FGF13: variants seen among roughly 807,000 people sequenced by gnomAD.
FGF13 encodes the protein fibroblast growth factor homologous factor 2.
In FGF13, 2 loss-of-function variants were observed where a neutral mutation model predicts 19.5. That is an observed-to-expected ratio of 0.10 (90% confidence interval 0.04 to 0.32). The LOEUF is 0.32. Ranked by LOEUF, FGF13 falls within the 10% of genes least tolerant of loss-of-function variation. The pLI, the probability that FGF13 is intolerant of heterozygous loss-of-function variation, is 1.00. For missense variants in FGF13, 113 were observed against 192.7 expected (o/e 0.59, Z 2.45); for synonymous variants, 72 against 76.9 (o/e 0.94, Z 0.33).
chrX:139,088,953 A>G (rs1449654153), intron 1 of FGF13, among the ~76,000 whole-genome samples: 2 of 112,295 alleles, frequency 1.8e-5, no homozygotes, highest in East Asian at 5.6e-4. Context: ...GGCACCATCT[A>G]TGAGCCAGAA....
intron 3 of FGF13, among the ~76,000 whole-genome samples, chrX:138,637,209 T>C (rs769306471): frequency 8.9e-6 from 1 of 112,316 alleles, no homozygotes; most frequent in African/African-American, 3.2e-5. Context: ...ACCAAAATGT[T>C]CTATTTATGG....
chrX:139,194,585 C>T (rs1306085293), intron 1 of FGF13, among the ~76,000 whole-genome samples: 1 of 112,107 alleles, frequency 8.9e-6, no homozygotes, highest in Non-Finnish European at 1.9e-5. Context: ...GACTTCAAGG[C>T]TCTTGGCCTT....
At chrX:138,641,370 C>T in intron 3 of FGF13, among the ~76,000 whole-genome samples, 1 of 111,678 alleles carries the variant, frequency 9.0e-6, no homozygotes, top group East Asian at 2.8e-4. Flanking sequence ...GTAGCCTGAT[C>T]ATTCCAATTA....
At chrX:139,024,960 T>G (rs180912003) in intron 1 of FGF13, among the ~76,000 whole-genome samples, 1 of 111,097 alleles carries the variant, frequency 9.0e-6, no homozygotes, top group East Asian at 2.9e-4. Flanking sequence ...GTTTACTGCT[T>G]CTTCTACCCC....
At chrX:139,109,080 T>A (rs1481280891) in intron 1 of FGF13, among the ~76,000 whole-genome samples, 1 of 111,950 alleles carries the variant, frequency 8.9e-6, no homozygotes, top group Non-Finnish European at 1.9e-5. Context: ...CATATAGTTA[T>A]GTTGTTTAAA....
chrX:139,075,516 T>C lies in FGF13; in HGVS notation c.-113+127900A>G, dbSNP rs143105633. On this transcript the variant is annotated intron_variant, in intron 1 of 2. Transcript: ENST00000421460. ...CCCTCTCAAAATCCTTATAAGCCTA[T>C]TGTGGGAAAGGTAACACTTGCCTTG... Among the ~76,000 whole-genome samples the C allele has an allele frequency of 5.1e-3, 571 of 112,119 alleles. 2 individuals are homozygous for C. The highest frequency in any genetic ancestry group is 0.017 in the African/African-American group (539 of 30,878).
intron 3 of FGF13, among the ~76,000 whole-genome samples, chrX:138,771,310 A>G (rs2090543821): frequency 1.8e-5 from 2 of 111,678 alleles, no homozygotes; most frequent in African/African-American, 6.5e-5. Flanking sequence ...ACAAGTTAAA[A>G]TTGGTCTTAC....
intron 1 of FGF13, among the ~76,000 whole-genome samples, chrX:139,052,696 G>A (rs1365383112): frequency 1.8e-5 from 2 of 111,438 alleles, no homozygotes; most frequent in East Asian, 2.8e-4. Context: ...CCCTCCATTC[G>A]AAAGTCAACA....
chrX:138,983,937 A>C (rs971756299), intron 1 of FGF13, among the ~76,000 whole-genome samples: 2 of 111,774 alleles, frequency 1.8e-5, no homozygotes, highest in African/African-American at 6.5e-5. Flanking sequence ...CATTTTGCCT[A>C]TAGTTATCAA....
Position 139,028,129 on chromosome X carries a change from G to A in FGF13, c.-112-163479C>T, listed in dbSNP as rs59011742. ...TTCTCCACTTAAATACATCATGCAG[G>A]GAAAGCTGAGACTGCAGTATATACA... On this transcript the variant is annotated intron_variant, in intron 1 of 2. Coordinates refer to the FGF13 transcript ENST00000421460. Among the ~76,000 whole-genome samples the A allele has an allele frequency of 9.5e-3, 1,054 of 111,173 alleles. 10 individuals carry two copies. Among genetic ancestry groups the A allele is most frequent in the African/African-American group, 0.032 (977 of 30,627 alleles).
chrX:139,106,312 T>C (rs1291152816), intron 1 of FGF13, among the ~76,000 whole-genome samples: 1 of 112,809 alleles, frequency 8.9e-6, no homozygotes, highest in African/African-American at 3.2e-5. Flanking sequence ...GTTGGGTGAC[T>C]TACCCAAGGC....
upstream of FGF13, among the ~76,000 whole-genome samples, chrX:138,713,559 CAAAAGCT>C (rs1416743734): frequency 6.3e-5 from 7 of 111,561 alleles, no homozygotes; most frequent in Admixed American, 1.9e-4. Context: ...AGCAGGCATG[CAAAAGCT>C]AAAGAAGGAT....
chrX:139,120,185 G>C (rs1341775312), intron 1 of FGF13, among the ~76,000 whole-genome samples: 5 of 112,271 alleles, frequency 4.5e-5, no homozygotes, highest in Non-Finnish European at 3.8e-5. Flanking sequence ...CCAGCCATGG[G>C]GAACTCTGAG....
intron 3 of FGF13, among the ~76,000 whole-genome samples, chrX:138,661,677 GAGA>G (rs1226182837): frequency 8.9e-6 from 1 of 111,907 alleles, no homozygotes; most frequent in African/African-American, 3.2e-5. Flanking sequence ...AAGAAAATGA[GAGA>G]AGGAGAGTTG....
chrX:138,982,247 G>A (rs1376467850), intron 1 of FGF13, among the ~76,000 whole-genome samples: 1 of 111,589 alleles, frequency 9.0e-6, no homozygotes, highest in East Asian at 2.8e-4. Context: ...AAGGGACGTA[G>A]TTGTGCTTGG....
chrX:138,686,844 T>C (rs1036494959), intron 3 of FGF13, among the ~76,000 whole-genome samples: 1 of 112,003 alleles, frequency 8.9e-6, no homozygotes, highest in African/African-American at 3.2e-5. Context: ...CAATGATGCA[T>C]AATAATATTT....
chrX:138,672,908 C>T (rs1409675677), intron 3 of FGF13, among the ~76,000 whole-genome samples: 2 of 111,378 alleles, frequency 1.8e-5, no homozygotes, highest in Admixed American at 9.6e-5. Flanking sequence ...GTCCTGAAGC[C>T]AAGTGAAGAA....
intron 3 of FGF13, among the ~76,000 whole-genome samples, chrX:138,806,035 T>C (rs1414704588): frequency 8.9e-6 from 1 of 111,884 alleles, no homozygotes; most frequent in African/African-American, 3.2e-5. Flanking sequence ...TGTTAATGAA[T>C]AACTAGGTTA....
chrX:138,981,661 G>A (rs1307919726), intron 1 of FGF13, among the ~76,000 whole-genome samples: 1 of 110,692 alleles, frequency 9.0e-6, no homozygotes, highest in African/African-American at 3.3e-5. Context: ...ACAGTTCACA[G>A]AGAGGTAAAA....
Sources: allele counts gnomAD v4.1 joint callset (sites outside exome capture counted in the v4.1 genomes callset), GRCh38; gene constraint gnomAD v4.1.1; transcripts MANE v1.5; gene names NCBI Gene and HGNC (gene_info 2026-07-23, HGNC 2026-07-21).